Variants in KCNT1 observed in about 807,000 individuals in gnomAD.
The protein encoded by KCNT1 is potassium sodium-activated channel subfamily T member 1, also known as potassium channel subfamily T member 1.
KCNT1 carries 78 observed loss-of-function variants against 147.8 expected under a neutral mutation model. That is an observed-to-expected ratio of 0.53 (90% CI 0.44 to 0.64). The LOEUF (loss-of-function observed/expected upper bound fraction) is 0.64. KCNT1 is among the 30% of genes least tolerant of loss of function. The pLI, the probability that KCNT1 is intolerant of heterozygous loss-of-function variation, is 0.00. For missense variants in KCNT1, 1,419 were observed against 1,750.3 expected (o/e 0.81, Z 3.38); for synonymous variants, 867 against 748.8 (o/e 1.16, Z -2.58).
Position 135,758,526 on chromosome 9 carries a change from G to GTGCCGGCCGTCAA in KCNT1, c.854+20_854+21insCCGGCCGTCAATG. On this transcript the variant is annotated intron_variant, in intron 10 of 30. Transcript: ENST00000371757. ...TTCACGGGGTGAGTGCCGGCCGTCA[G>GTGCCGGCCGTCAA]TGTGAGCACCCCAGGACGTTGGGAG... The GTGCCGGCCGTCAA allele has an allele frequency of 6.2e-7, 1 of 1,604,282 alleles. No individual in the cohort carries two copies. Among genetic ancestry groups the GTGCCGGCCGTCAA allele is most frequent in the Non-Finnish European group, 8.5e-7 (1 of 1,172,254 alleles).
intron 2 of KCNT1, among the ~76,000 whole-genome samples, chr9:135,736,161 TG>T (rs927448091): frequency 1.3e-5 from 2 of 152,114 alleles, no homozygotes; most frequent in African/African-American, 4.8e-5. Context: ...ATCACCCCCC[TG>T]GCCAGGGTAC....
chr9:135,755,255 C>A, intron 6 of KCNT1, 86 bp downstream of exon 6: 1 of 1,220,582 alleles, frequency 8.2e-7, no homozygotes, highest in South Asian at 1.5e-5. Flanking sequence ...AGTAGGGAAC[C>A]CAGGCTCGGT....
chr9:135,772,752 G>C lies in KCNT1; in HGVS notation c.2046G>C (p.Arg682=). 2 of 1,465,848 alleles carry C rather than the reference G, an allele frequency of 1.4e-6. No individual in the cohort carries two copies. The highest frequency in any genetic ancestry group is 1.8e-6 in the Non-Finnish European group (2 of 1,106,152). 90.8% of individuals were successfully genotyped at this position (1,465,848 alleles called of 1,614,324 possible). ...VAMDLQGTEH[R]PTQSGGGGGG... is the part of the protein sequence containing the mutation. ...TGGACCTGCAGGGCACAGAGCACCG[G>C]CCTACGCAGAGCGGCGGTGGGGGCG... is the stretch of plus-strand genomic sequence containing the variant. The change falls in exon 19 of 31, where the codon CGG becomes CGC. Residue 682 remains arginine (R), a synonymous_variant. Transcript: ENST00000371757.
chr9:135,779,235 T>A, intron 23 of KCNT1, 124 bp from the exon 24 acceptor site: 3 of 336,144 alleles, frequency 8.9e-6, no homozygotes, highest in Non-Finnish European at 1.5e-5. Context: ...GGCCCTGCCC[T>A]GAGACCCCCC....
chr9:135,759,686 G>A lies in KCNT1; in HGVS notation c.862G>A (p.Gly288Ser), dbSNP rs587777264. The change falls in exon 11 of 31, where the codon GGC becomes AGC. Residue 288 changes from glycine to serine, a missense_variant. This residue lies in a region of KCNT1 where 401 missense variants were observed against 610.6 expected (regional missense o/e 0.66). Coordinates refer to ENST00000371757, the MANE Select transcript of KCNT1 (RefSeq NM_020822.3). Reference protein sequence around the residue: ...LLCLVFTGTCGIQHLERAGEN... With the variant: ...LLCLVFTGTCSIQHLERAGEN... ...CACTGCCAGGGGTTGCAGGACCTGC[G>A]GCATCCAGCACCTGGAGCGGGCGGG... The A allele has an allele frequency of 6.2e-7, 1 of 1,605,068 alleles. No individual in the cohort carries two copies. The highest frequency in any genetic ancestry group is 8.5e-7 in the Non-Finnish European group (1 of 1,174,666).
chr9:135,713,075 C>T (rs1034305909), intron 1 of KCNT1, among the ~76,000 whole-genome samples: 1 of 152,188 alleles, frequency 6.6e-6, no homozygotes, highest in African/African-American at 2.4e-5. Context: ...GAACCAGAGC[C>T]GCTCAAAAGG....
At chr9:135,775,233 C>T (rs933066191) in intron 19 of KCNT1, 77 bp from the exon 20 acceptor site, 35 of 1,119,382 alleles carry the variant, frequency 3.1e-5, no homozygotes, top group Middle Eastern at 2.5e-4. Flanking sequence ...CTCGAGTCCC[C>T]CAGCCCGAGG....
chr9:135,786,726 C>T (rs529739359), intron 29 of KCNT1, among the ~76,000 whole-genome samples: 3 of 152,364 alleles, frequency 2.0e-5, no homozygotes, highest in Admixed American at 1.3e-4. Flanking sequence ...GCAGAGGCCC[C>T]GTGCAGAGGA....
rs772806390 is a variant in KCNT1 at position 135,791,814 on chromosome 9, C to T, written c.3520C>T (p.Gln1174Ter). The T allele has an allele frequency of 6.2e-7, 1 of 1,613,868 alleles. No homozygotes were observed. ...TTGYDEMNDHQNTLSYVLINP... is the reference protein window; with the variant it reads ...TTGYDEMNDH ...CTTTGCAGACGAGATGAACGACCAC[C>T]AGAACACCCTCTCCTACGTCCTCAT... The change falls in exon 30 of 31, where the codon CAG becomes TAG. Residue 1174 changes from glutamine (Q) to a stop codon, truncating the protein, a stop_gained. Transcript: ENST00000371757. LOFTEE classifies it high-confidence loss of function.
In KCNT1 at chr9:135,775,378, C is replaced by T. The variant is rs1833089344; in HGVS notation, c.2312C>T (p.Pro771Leu). The change falls in exon 20 of 31, where the codon CCT becomes CTT. Residue 771 changes from proline to leucine, a missense_variant. Physicochemically the swap from Pro to Leu is moderately conservative, Grantham distance 98. Around this residue, in one of 5 missense-constraint regions of KCNT1, gnomAD observed 247 missense variants for 397.1 expected, o/e 0.62. Transcript: ENST00000371757. ...TCCCCAACCCTGTGCCACCTCCTGCCTGTGAAAGCCCCCTTCTGCTGCCTG... is the reference window on the plus strand; with the variant it reads ...TCCCCAACCCTGTGCCACCTCCTGCTTGTGAAAGCCCCCTTCTGCTGCCTG... ...GSSPTLCHLL[P>L]VKAPFCCLRL... is the part of the protein sequence containing the mutation. The T allele has an allele frequency of 1.2e-6, 2 of 1,611,254 alleles. No homozygotes were observed. The highest frequency in any genetic ancestry group is 4.5e-5 in the East Asian group (2 of 44,832).
chr9:135,719,645 C>A (rs1392437958), intron 2 of KCNT1, among the ~76,000 whole-genome samples: 1 of 152,210 alleles, frequency 6.6e-6, no homozygotes, highest in African/African-American at 2.4e-5. Flanking sequence ...AGGCATTAAG[C>A]AGGACATGAG....
chr9:135,721,502 G>A (rs905058343), intron 2 of KCNT1, among the ~76,000 whole-genome samples: 1 of 152,196 alleles, frequency 6.6e-6, no homozygotes, highest in Non-Finnish European at 1.5e-5. Context: ...AGGCCGGTGG[G>A]GCCCAGGCAG....
At chr9:135,746,881 C>G (rs1460613244) in intron 2 of KCNT1, among the ~76,000 whole-genome samples, 1 of 152,124 alleles carries the variant, frequency 6.6e-6, no homozygotes, top group Admixed American at 6.5e-5. Context: ...GAGGGCAGAG[C>G]TGCAGGACCT....
rs1047669091 is a variant in KCNT1 at position 135,714,483 on chromosome 9, C to G, written c.111-94C>G. ...CCCGGTGGGTCGCGGTGGCCGCGGG[C>G]TGCGCTGCGCGGGCCGGGCCTGGCG... is the stretch of plus-strand genomic sequence containing the variant. On this transcript the variant is annotated intron_variant, in intron 1 of 30. Transcript: ENST00000371757. This position sits in a 1 kb window ranked among gnomAD's most constrained non-coding sequence, Gnocchi z 6.2. The G allele has an allele frequency of 7.3e-5, 64 of 871,080 alleles. No homozygotes were observed. Among genetic ancestry groups the G allele is most frequent in the Non-Finnish European group, 8.5e-5 (62 of 729,356 alleles). 54.0% of individuals were successfully genotyped at this position (871,080 alleles called of 1,614,324 possible).
chr9:135,727,857 A>G (rs111382720), intron 2 of KCNT1, among the ~76,000 whole-genome samples: 1 of 152,216 alleles, frequency 6.6e-6, no homozygotes. Flanking sequence ...GACCGTCCCA[A>G]TCTGCAGCCT....
intron 1 of KCNT1, among the ~76,000 whole-genome samples, chr9:135,709,381 A>T (rs914785668): frequency 6.6e-6 from 1 of 152,152 alleles, no homozygotes; most frequent in Non-Finnish European, 1.5e-5. Context: ...ACCTTCACAC[A>T]TGAGGCCGTG....
intron 2 of KCNT1, among the ~76,000 whole-genome samples, chr9:135,715,697 C>A (rs879444358): frequency 2.0e-5 from 3 of 151,940 alleles, no homozygotes; most frequent in Non-Finnish European, 2.9e-5. Context: ...CTGCTGAAAC[C>A]GCAGCTGAAA....
intron 2 of KCNT1, among the ~76,000 whole-genome samples, chr9:135,732,026 A>AGAGAGAGGGAGAGAGG (rs1836498665): frequency 7.6e-6 from 1 of 131,742 alleles, no homozygotes; most frequent in Non-Finnish European, 1.6e-5. Context: ...AGAGAGAGAG[A>AGAGAGAGGGAGAGAGG]GAGAGAGAGA....
chr9:135,761,718 G>A (rs972188201), intron 11 of KCNT1, among the ~76,000 whole-genome samples: 8 of 152,190 alleles, frequency 5.3e-5, no homozygotes, highest in African/African-American at 1.9e-4. Flanking sequence ...CAGAGGCGTT[G>A]ACCCATCCAG....
Sources: allele counts gnomAD v4.1 joint callset (sites outside exome capture counted in the v4.1 genomes callset), GRCh38; gene constraint gnomAD v4.1.1; regional missense constraint gnomAD v4.1.1; non-coding constraint Gnocchi (gnomAD v3.1); transcripts MANE v1.5; gene names NCBI Gene and HGNC (gene_info 2026-07-23, HGNC 2026-07-21).